The following ALCAM variants were observed in gnomAD, a reference collection of about 807,000 sequenced individuals.
ALCAM encodes the protein activated leukocyte cell adhesion molecule.
In ALCAM, 30 loss-of-function variants were observed where a neutral mutation model predicts 70.9. That is an observed-to-expected ratio of 0.42 (90% CI 0.32 to 0.57). ALCAM has a LOEUF of 0.57. ALCAM is among the 20% of genes least tolerant of loss of function. The pLI is 0.11. For synonymous variants in ALCAM, 249 were observed against 242.5 expected (o/e 1.03, Z -0.25); for missense variants, 591 against 695.1 (o/e 0.85, Z 1.68).
chr3:105,523,010 C>G lies in ALCAM; in HGVS notation c.175-1279C>G, dbSNP rs547520206. On this transcript the variant is annotated intron_variant, in intron 2 of 15. Transcript: ENST00000306107. Reference sequence around the variant, plus strand: ...AAAAAATTAGCCAGGCGTGGTGGCGCGTGCCTGTAGTCCCAGCTACTCTGG... The same window carrying G: ...AAAAAATTAGCCAGGCGTGGTGGCGGGTGCCTGTAGTCCCAGCTACTCTGG... Among the ~76,000 whole-genome samples the G allele has an allele frequency of 2.0e-4, 30 of 151,950 alleles. No individual in the cohort carries two copies. In the South Asian group the frequency reaches 5.4e-3, roughly 27 times the overall value.
At chr3:105,372,866 G>A (rs1358471390) in intron 1 of ALCAM, among the ~76,000 whole-genome samples, 2 of 152,022 alleles carry the variant, frequency 1.3e-5, no homozygotes, top group African/African-American at 2.4e-5. Context: ...CTAAACCTTT[G>A]CAATCTTCTC....
chr3:105,530,759 G>C (rs1428861079), intron 3 of ALCAM, among the ~76,000 whole-genome samples: 13 of 151,946 alleles, frequency 8.6e-5, no homozygotes, highest in Admixed American at 8.5e-4. Flanking sequence ...CTCATGTAAA[G>C]CATATTTATG....
chr3:105,434,897 G>T (rs1453281282), intron 1 of ALCAM, among the ~76,000 whole-genome samples: 2 of 152,118 alleles, frequency 1.3e-5, no homozygotes, highest in Non-Finnish European at 2.9e-5. Flanking sequence ...TTCTTCATGT[G>T]AAACGCATCC....
chr3:105,399,364 C>T (rs1936032107), intron 1 of ALCAM, among the ~76,000 whole-genome samples: 1 of 151,888 alleles, frequency 6.6e-6, no homozygotes, highest in African/African-American at 2.4e-5. Flanking sequence ...ACTCATCTTT[C>T]CTTTTAAACT....
intron 14 of ALCAM, among the ~76,000 whole-genome samples, chr3:105,557,739 C>T (rs148834856): frequency 1.2e-3 from 181 of 152,166 alleles, no homozygotes; most frequent in African/African-American, 4.2e-3. Context: ...AGCCTTTTAC[C>T]TAATGGTTGT....
chr3:105,465,734 T>C (rs1466634607), intron 1 of ALCAM, among the ~76,000 whole-genome samples: 1 of 151,518 alleles, frequency 6.6e-6, no homozygotes, highest in Non-Finnish European at 1.5e-5. Context: ...ACTGGTATTG[T>C]AGATAAACAT....
intron 1 of ALCAM, among the ~76,000 whole-genome samples, chr3:105,407,447 T>A (rs981652740): frequency 5.9e-5 from 9 of 152,078 alleles, no homozygotes; most frequent in Non-Finnish European, 1.2e-4. Flanking sequence ...ATACACCACA[T>A]AAACAGAATT....
Position 105,367,288 on chromosome 3 carries a change from C to A in ALCAM, c.-121C>A. 1 of 937,082 alleles carries A rather than the reference C, an allele frequency of 1.1e-6. No individual in the cohort carries two copies. Among genetic ancestry groups the A allele is most frequent in the South Asian group, 1.5e-5 (1 of 66,216 alleles). The allele number at this position is 937,082 out of a possible 1,614,324, so 58.0% of individuals were successfully genotyped here. On this transcript the variant is annotated 5_prime_UTR_variant, in exon 1 of 16. It adds an upstream start codon to the 5' untranslated region. Transcript: ENST00000306107. ...CGCCACAGCCCAGGGGACGGTGTGT[C>A]TGGGAGAAGACGCTGCCCCTGCGTC...
At chr3:105,387,289 C>T (rs1935684955) in intron 1 of ALCAM, among the ~76,000 whole-genome samples, 1 of 151,204 alleles carries the variant, frequency 6.6e-6, no homozygotes, top group Non-Finnish European at 1.5e-5. Context: ...AAACAAAGCT[C>T]AGAAACATTT....
chr3:105,572,126 T>C (rs571935475), intron 15 of ALCAM, among the ~76,000 whole-genome samples, 162 bp downstream of exon 15: 1 of 152,188 alleles, frequency 6.6e-6, no homozygotes, highest in East Asian at 1.9e-4. Flanking sequence ...CTCAGATACA[T>C]GTGCAGAACG....
chr3:105,571,983 G>A lies in ALCAM; in HGVS notation c.*25+19G>A, dbSNP rs769795412. ...TGTCCAGGTGAGTAGTCTGTACGAG[G>A]TTCATAGAAATAATTCCCTAGCAAG... On this transcript the variant is annotated intron_variant, in intron 15 of 15. Transcript: ENST00000306107. 2 of 1,416,380 alleles carry A rather than the reference G, an allele frequency of 1.4e-6. No individual in the cohort carries two copies. The highest frequency in any genetic ancestry group is 3.9e-5 in the Admixed American group (2 of 51,136). The allele number at this position is 1,416,380 out of a possible 1,614,324, so 87.7% of individuals were successfully genotyped here.
At chr3:105,407,479 A>G (rs1391762282) in intron 1 of ALCAM, among the ~76,000 whole-genome samples, 3 of 152,192 alleles carry the variant, frequency 2.0e-5, no homozygotes, top group Admixed American at 6.5e-5. Context: ...TCACATGATC[A>G]TCTCAATAGA....
chr3:105,430,658 CT>C (rs1171707636), intron 1 of ALCAM, among the ~76,000 whole-genome samples: 10 of 151,976 alleles, frequency 6.6e-5, no homozygotes, highest in African/African-American at 2.4e-4. Context: ...CGCTTCTTCC[CT>C]TTTTTCATTT....
chr3:105,386,327 C>A (rs1466037039), intron 1 of ALCAM, among the ~76,000 whole-genome samples: 1 of 151,586 alleles, frequency 6.6e-6, no homozygotes, highest in Non-Finnish European at 1.5e-5. Context: ...TGTTTTGAAT[C>A]AACTGCACAA....
Position 105,554,940 on chromosome 3 carries a change from GA to G in ALCAM, c.1664+2364del, listed in dbSNP as rs11438154. ...TTCCCTGTACCTTGAAAATTAGCTG[GA>G]AAAAAAAACTATAATTCTTTACATT... is the stretch of plus-strand genomic sequence containing the variant. On this transcript the variant is annotated intron_variant, in intron 14 of 15. Coordinates refer to ENST00000306107, the MANE Select transcript of ALCAM (RefSeq NM_001627.4). 6.7e-5 allele frequency among the ~76,000 whole-genome samples: 10 copies of G among 150,298 alleles called. No individual in the cohort carries two copies. In the East Asian group the frequency reaches 7.8e-4, roughly 12 times the overall value.
chr3:105,533,795 C>G (rs78747316), intron 5 of ALCAM, 105 bp downstream of exon 5: 33,314 of 1,037,732 alleles, frequency 0.032, 670 homozygotes, highest in South Asian at 0.051. Context: ...TTTTTGGCAC[C>G]AGGAACTGGT....
At position 105,567,446 on chromosome 3, in the gene ALCAM, A is replaced by G. The variant is rs199670495; in HGVS notation, c.1665-4406A>G. Among the ~76,000 whole-genome samples the G allele has an allele frequency of 2.7e-5, 4 of 150,770 alleles. No individual in the cohort carries two copies. The East Asian group carries it at 5.8e-4, about 22-fold the overall frequency. On this transcript the variant is annotated intron_variant, in intron 14 of 15. Coordinates refer to ENST00000306107, the MANE Select transcript of ALCAM (RefSeq NM_001627.4). ...AGATCTGCTCACTTTTTTTTTTTCC[A>G]CTGCCCTGGACTCCACCATCTCCTC... is the stretch of plus-strand genomic sequence containing the variant.
At chr3:105,389,516 T>C (rs1320067499) in intron 1 of ALCAM, among the ~76,000 whole-genome samples, 1 of 151,282 alleles carries the variant, frequency 6.6e-6, no homozygotes, top group African/African-American at 2.4e-5. Flanking sequence ...TTTGAATATT[T>C]ATAATGTGTA....
rs758489960 is a variant in ALCAM, at chr3:105,540,117, A to C, written c.858+15A>C. 7.2e-5 allele frequency: 116 copies of C among 1,607,374 alleles called. No homozygotes were observed. Among genetic ancestry groups the C allele is most frequent in the Non-Finnish European group, 9.7e-5 (114 of 1,175,234 alleles). The stretch of plus-strand genomic sequence containing the variant: ...TTTACTTACCAGTAAGTGCTTAAGT[A>C]TTACTTCAGTTGGATGACTATCATT... On this transcript the variant is annotated intron_variant, in intron 7 of 15. Transcript: ENST00000306107.
Sources: gnomAD v4.1 joint callset for allele counts (sites outside exome capture counted in the v4.1 genomes callset) on GRCh38, gnomAD v4.1.1 for gene constraint, MANE v1.5 for transcripts, NCBI Gene and HGNC (gene_info 2026-07-23, HGNC 2026-07-21) for gene names.